NDE1: variants seen among roughly 807,000 people sequenced by gnomAD.
NDE1 encodes the protein nuclear distribution protein nudE homolog 1.
In NDE1, 28 loss-of-function variants were observed where a neutral mutation model predicts 43.4. The observed-to-expected ratio is 0.65, with a 90% CI of 0.48 to 0.89. The LOEUF (loss-of-function observed/expected upper bound fraction) is 0.89. Ranked by LOEUF, NDE1 falls within the 40% of genes least tolerant of loss-of-function variation. NDE1 has a pLI of 0.00. For synonymous variants in NDE1, 184 were observed against 172.0 expected, an observed-to-expected ratio of 1.07 and a Z score of -0.55; for missense variants, 441 against 434.1, an observed-to-expected ratio of 1.02 and a Z score of -0.14.
At chr16:15,679,132 T>C (rs953923507) in intron 4 of NDE1, among the ~76,000 whole-genome samples, 6 of 152,118 alleles carry the variant, frequency 3.9e-5, no homozygotes, top group Non-Finnish European at 7.4e-5. Flanking sequence ...AGATGTTTTT[T>C]CTTTTATTTA....
upstream of NDE1, chr16:15,649,427 C>T (rs1423382878): frequency 6.6e-6 from 1 of 152,220 alleles, no homozygotes; most frequent in Non-Finnish European, 1.5e-5. Context: ...CCCGGTTTCC[C>T]GTGATTCTCC....
chr16:15,660,730 G>A (rs2037001703), intron 1 of NDE1, among the ~76,000 whole-genome samples: 1 of 152,078 alleles, frequency 6.6e-6, no homozygotes, highest in Non-Finnish European at 1.5e-5. Flanking sequence ...CAGCCTTGTG[G>A]ATATTTTCCA....
intron 8 of NDE1, among the ~76,000 whole-genome samples, chr16:15,716,631 C>T (rs1308783262): frequency 6.6e-6 from 1 of 152,184 alleles, no homozygotes; most frequent in Non-Finnish European, 1.5e-5. Context: ...GAGTGATTCT[C>T]CTGCCTCAGT....
rs1596732730 is a variant in NDE1 at position 15,724,916 on chromosome 16, G to A, written c.*665G>A. 2 of 1,614,028 alleles carry A rather than the reference G, an allele frequency of 1.2e-6. No homozygotes were observed. The highest frequency in any genetic ancestry group is 8.5e-7 in the Non-Finnish European group (1 of 1,180,044). The stretch of plus-strand genomic sequence containing the variant: ...GGTGTCCTGGAGCTGGGAACTGAGG[G>A]ACGCCACGTCCTTGGCCAGCTTAAT... On this transcript the variant is annotated 3_prime_UTR_variant, in exon 9 of 9. Transcript: ENST00000396354.
chr16:15,697,080 ACT>A (rs1236975627), intron 8 of NDE1: 36 of 983,370 alleles, frequency 3.7e-5, no homozygotes, highest in Non-Finnish European at 4.2e-5. Context: ...ACAGGGTCTC[ACT>A]CTGTCACCTA....
At chr16:15,650,325 G>A (rs1177972002) in intron 1 of NDE1, 31 bp downstream of exon 1, 1 of 248,250 alleles carries the variant, frequency 4.0e-6, no homozygotes, top group Non-Finnish European at 8.3e-6. Flanking sequence ...GGCTGGGGTC[G>A]GGGTGGCTGT....
intron 1 of NDE1, chr16:15,651,434 T>G (rs1050501340): frequency 4.0e-5 from 6 of 148,876 alleles, no homozygotes; most frequent in Non-Finnish European, 8.9e-5. Context: ...CAACCCGTTT[T>G]TTTTTTTTTT....
intron 8 of NDE1, chr16:15,717,370 A>G (rs1233053387): frequency 1.2e-6 from 2 of 1,602,450 alleles, no homozygotes; most frequent in East Asian, 4.5e-5. Flanking sequence ...AGTGAAGGCC[A>G]TGAGGCGGAC....
Position 15,673,863 on chromosome 16 carries a change from C to T in NDE1, c.238-3938C>T, listed in dbSNP as rs377101789. Among the ~76,000 whole-genome samples, 18 of 152,198 alleles carry T rather than the reference C, an allele frequency of 1.2e-4. No individual in the cohort carries two copies. The East Asian group carries it at 1.9e-3, about 16-fold the overall frequency. The stretch of plus-strand genomic sequence containing the variant: ...GAGCAGGAATAGAATCGAGAGAGCA[C>T]GGGAACGGGCAGGTGATCTGGATTG... On this transcript the variant is annotated intron_variant, in intron 3 of 8. Transcript: ENST00000396354.
chr16:15,703,924 G>A, intron 8 of NDE1: 1 of 1,603,612 alleles, frequency 6.2e-7, no homozygotes, highest in African/African-American at 1.3e-5. Context: ...GTTGTTGTTG[G>A]GTTTTTTTTG....
At chr16:15,664,096 G>A (rs756374817) in intron 1 of NDE1, among the ~76,000 whole-genome samples, 11 of 151,756 alleles carry the variant, frequency 7.2e-5, no homozygotes, top group Non-Finnish European at 1.5e-4. Context: ...ATTATTTTAT[G>A]CGTAATTTCC....
intron 8 of NDE1, chr16:15,720,085 C>T (rs1009443081): frequency 1.6e-4 from 250 of 1,609,054 alleles, no homozygotes; most frequent in Non-Finnish European, 2.0e-4. Context: ...GCTCTGCTGA[C>T]TTCGGTGGCC....
intron 8 of NDE1, chr16:15,714,108 C>T (rs569298502): frequency 6.6e-6 from 1 of 152,540 alleles, no homozygotes; most frequent in South Asian, 2.1e-4. Flanking sequence ...TCATGGAGAA[C>T]TGTGAGGAGT....
intron 1 of NDE1, among the ~76,000 whole-genome samples, chr16:15,664,490 G>T (rs887932693): frequency 4.6e-5 from 7 of 151,984 alleles, no homozygotes; most frequent in Non-Finnish European, 8.8e-5. Flanking sequence ...CTGAGTAGCT[G>T]GGACTACAGG....
At chr16:15,709,610 C>T (rs12443661) in intron 8 of NDE1, among the ~76,000 whole-genome samples, 30,660 of 152,118 alleles carry the variant, frequency 0.2, 3,920 homozygotes, top group Middle Eastern at 0.37. Context: ...CCACTGCACC[C>T]GGCTCAGTTT....
chr16:15,690,847 A>C (rs1430093349), intron 5 of NDE1, among the ~76,000 whole-genome samples: 1 of 151,988 alleles, frequency 6.6e-6, no homozygotes, highest in Non-Finnish European at 1.5e-5. Flanking sequence ...TGCTCTTGTC[A>C]CCCAGACTGG....
In NDE1 at chr16:15,724,280, C is replaced by T; in HGVS notation, c.*29C>T. On this transcript the variant is annotated 3_prime_UTR_variant, in exon 9 of 9. Transcript: ENST00000396354. ...CTGTTCTTGGTCTTTTCCAGTTTAT[C>T]ATAAGCGGCCGCCTTCTCCTCGTAC... 1 of 1,614,200 alleles carries T rather than the reference C, an allele frequency of 6.2e-7. No homozygotes were observed. Among genetic ancestry groups the T allele is most frequent in the Non-Finnish European group, 8.5e-7 (1 of 1,180,040 alleles).
chr16:15,655,064 G>A (rs541805688), intron 1 of NDE1, among the ~76,000 whole-genome samples: 3 of 151,964 alleles, frequency 2.0e-5, no homozygotes, highest in African/African-American at 7.3e-5. Context: ...TTGTGCCCAG[G>A]CTGGAGTGCA....
At chr16:15,706,386 G>C (rs1016197499) in intron 8 of NDE1, among the ~76,000 whole-genome samples, 3 of 152,004 alleles carry the variant, frequency 2.0e-5, no homozygotes, top group East Asian at 1.9e-4. Context: ...AGCTCTCTTC[G>C]TCACAGTTTT....
Sources: allele counts gnomAD v4.1 joint callset (sites outside exome capture counted in the v4.1 genomes callset), GRCh38; gene constraint gnomAD v4.1.1; transcripts MANE v1.5; gene names NCBI Gene and HGNC (gene_info 2026-07-23, HGNC 2026-07-21).